URB1: variants seen among roughly 807,000 people sequenced by gnomAD.
The protein encoded by URB1 is URB1 ribosome biogenesis factor, also known as nucleolar pre-ribosomal-associated protein 1.
URB1 carries 197 observed loss-of-function variants against 242.3 expected under a neutral mutation model. The ratio of observed to expected loss-of-function variants is 0.81; its 90% confidence interval spans 0.72 to 0.91. URB1 has a LOEUF of 0.91. Among genes scored for constraint, URB1 ranks in the 40% least tolerant of loss-of-function variants. The pLI is 0.00. For missense variants in URB1, 2,721 were observed against 2,860.5 expected, an observed-to-expected ratio of 0.95 and a Z score of 1.11; for synonymous variants, 1,153 against 1,201.8, an observed-to-expected ratio of 0.96 and a Z score of 0.84.
At chr21:32,378,969 G>C (rs1037279234) in intron 4 of URB1, among the ~76,000 whole-genome samples, 7 of 152,342 alleles carry the variant, frequency 4.6e-5, no homozygotes, top group Admixed American at 3.3e-4. Context: ...GGCTGGTACT[G>C]CTTTTGGTGA....
intron 4 of URB1, among the ~76,000 whole-genome samples, chr21:32,382,332 A>T (rs1482106552): frequency 6.6e-6 from 1 of 152,208 alleles, no homozygotes; most frequent in African/African-American, 2.4e-5. Context: ...GCCATTACTC[A>T]TTGAATGGAA....
chr21:32,354,913 T>C lies in URB1; in HGVS notation c.2191A>G (p.Thr731Ala), dbSNP rs2033201859. Residue 731 changes from threonine to alanine, a missense_variant, in exon 17 of 39, where the codon ACT becomes GCT. Coordinates refer to ENST00000382751, the MANE Select transcript of URB1 (RefSeq NM_014825.3). ...TCATCGGCTTCTTGCTTCGTCATAG[T>C]GGCCTGCAGCATGCTTGCTTCTTGG... Reference protein sequence around the residue: ...FVQEASMLQATMTKQEADDMS... With the variant: ...FVQEASMLQAAMTKQEADDMS... 6.4e-7 allele frequency: 1 copy of C among 1,552,440 alleles called. No homozygotes were observed. Among genetic ancestry groups the C allele is most frequent in the African/African-American group, 1.4e-5 (1 of 73,196 alleles).
chr21:32,369,752 T>C (rs1210026599), intron 8 of URB1, among the ~76,000 whole-genome samples: 1 of 152,188 alleles, frequency 6.6e-6, no homozygotes, highest in Non-Finnish European at 1.5e-5. Flanking sequence ...CCTTCCCTGT[T>C]TCTAGCTTAT....
At position 32,368,526 on chromosome 21, in the gene URB1, G is replaced by T; in HGVS notation, c.1074C>A (p.Asp358Glu). The change falls in exon 9 of 39, where the codon GAC becomes GAA. Residue 358 changes from aspartate to glutamate, a missense_variant. Physicochemically the swap from Asp to Glu is conservative, Grantham distance 45. Transcript: ENST00000382751. Reference protein sequence around the residue: ...KTAADDDLVADLVVNILKVCP... With the variant: ...KTAADDDLVAELVVNILKVCP... ...ACACTTTGAGGATGTTTACCACAAG[G>T]TCAGCCACCAGATCATCATCAGCTG... 1 of 1,551,726 alleles carries T rather than the reference G, an allele frequency of 6.4e-7. No homozygotes were observed. Among genetic ancestry groups the T allele is most frequent in the Non-Finnish European group, 8.7e-7 (1 of 1,147,006 alleles).
At chr21:32,362,068 G>C (rs765139939) in intron 11 of URB1, 47 bp from the exon 12 acceptor site, 2 of 1,544,610 alleles carry the variant, frequency 1.3e-6, no homozygotes, top group South Asian at 2.4e-5. Flanking sequence ...CAACCACAAA[G>C]GGAGACAAAT....
In URB1 at chr21:32,324,634, G is replaced by C. The variant is rs1267530962; in HGVS notation, c.5122-32C>G. 2.0e-6 allele frequency: 3 copies of C among 1,491,400 alleles called. No homozygotes were observed. The African/African-American group carries it at 4.2e-5, about 21-fold the overall frequency. 92.4% of individuals were successfully genotyped at this position (1,491,400 alleles called of 1,614,324 possible). A position where few individuals can be genotyped will look rare whatever the true frequency, so the allele number is the denominator to read the frequency against. ...AACAGAACAGAAAAGGAAAATGTAA[G>C]ATGAGCGTGTTCAGAGCTATGGTCA... On this transcript the variant is annotated intron_variant, in intron 31 of 38. Transcript: ENST00000382751.
Position 32,334,182 on chromosome 21 carries a change from C to T in URB1, c.4838G>A (p.Arg1613Gln), listed in dbSNP as rs533653182. 95 of 1,547,686 alleles carry T rather than the reference C, an allele frequency of 6.1e-5. No individual in the cohort carries two copies. The highest frequency in any genetic ancestry group is 7.5e-5 in the Non-Finnish European group (86 of 1,144,050). Residue 1613 changes from arginine to glutamine, a missense_variant, in exon 29 of 39, where the codon CGG (arginine) becomes CAG (glutamine). Arg to Gln is a conservative substitution (Grantham distance 43). Transcript: ENST00000382751. ...CCCAACCTCGGGGGGCAGCAGCCTC[C>T]GGTTCTGGGGGAAGTGCAGGATGGT... ...MQTILHFPQN[R>Q]RLLPPEDTQE...
rs1308406616 is a variant in URB1, at chr21:32,338,819, G to A, written c.4398C>T (p.Arg1466=). Residue 1466 remains arginine (R), a synonymous_variant, in exon 26 of 39, where the codon CGC becomes CGT. Coordinates refer to ENST00000382751, the MANE Select transcript of URB1 (RefSeq NM_014825.3). The part of the protein sequence containing the change: ...QLLYSPESSV[R]TKLIQLPVVY... The stretch of plus-strand genomic sequence containing the variant: ...CCACCGGGAGCTGGATGAGCTTCGT[G>A]CGCACGGAGCTTTCTGGGCTGTACA... The A allele has an allele frequency of 6.4e-7, 1 of 1,551,776 alleles. No individual in the cohort carries two copies. The highest frequency in any genetic ancestry group is 8.7e-7 in the Non-Finnish European group (1 of 1,147,022).
At position 32,347,033 on chromosome 21, in the gene URB1, T is replaced by G. The variant is rs1321986059; in HGVS notation, c.3791A>C (p.Asp1264Ala). The change falls in exon 22 of 39, where the codon GAC (aspartate) becomes GCC (alanine). Residue 1264 changes from aspartate to alanine, a missense_variant. Transcript: ENST00000382751. Reference sequence around the variant, plus strand: ...GATGAGGGGAAGGAAGTCGTCCAGGTCCCCCTGGAGGCCGAGCCCTGGGCC... The same window carrying G: ...GATGAGGGGAAGGAAGTCGTCCAGGGCCCCCTGGAGGCCGAGCCCTGGGCC... ...QAGPGLGLQG[D>A]LDDFLPLIHV... 6.5e-7 allele frequency: 1 copy of G among 1,549,098 alleles called. No individual in the cohort carries two copies. Among genetic ancestry groups the G allele is most frequent in the Admixed American group, 2.0e-5 (1 of 50,926 alleles).
chr21:32,373,903 T>G, intron 6 of URB1, 131 bp from the exon 7 acceptor site: 1 of 1,014,638 alleles, frequency 9.9e-7, no homozygotes, highest in Non-Finnish European at 1.4e-6. Flanking sequence ...GCAGAAAATT[T>G]GGTTTAAAAA....
At chr21:32,378,131 T>C (rs1270991281) in intron 5 of URB1, among the ~76,000 whole-genome samples, 2 of 152,126 alleles carry the variant, frequency 1.3e-5, no homozygotes, top group African/African-American at 4.8e-5. Context: ...TCTGAGTAGG[T>C]TCCATAGCCA....
chr21:32,336,960 C>T (rs2032966260), intron 28 of URB1, 134 bp downstream of exon 28: 2 of 870,922 alleles, frequency 2.3e-6, no homozygotes, highest in Non-Finnish European at 3.7e-6. Context: ...CAGTGTGAGT[C>T]AGGGGAGTGC....
intron 30 of URB1, among the ~76,000 whole-genome samples, chr21:32,332,090 G>C (rs1265998776): frequency 2.0e-5 from 3 of 152,222 alleles, no homozygotes; most frequent in African/African-American, 7.2e-5. Context: ...TCAACACACA[G>C]AGGCTGTAAC....
At chr21:32,353,038 C>G (rs2033176431) in intron 18 of URB1, 132 bp from the exon 19 acceptor site, 7 of 923,258 alleles carry the variant, frequency 7.6e-6, no homozygotes, top group Non-Finnish European at 1.1e-5. Flanking sequence ...GGACACATAA[C>G]CACAGGGAAG....
intron 5 of URB1, 58 bp downstream of exon 5, chr21:32,378,387 T>A: frequency 6.9e-7 from 1 of 1,455,892 alleles, no homozygotes; most frequent in Non-Finnish European, 9.4e-7. Context: ...AAGAAACGGT[T>A]TGCAGTAGGT....
At chr21:32,349,118 A>G (rs2015981) in intron 21 of URB1, among the ~76,000 whole-genome samples, 186 bp downstream of exon 21, 152,393 of 152,410 alleles carry the variant, frequency 1, 76,188 homozygotes, top group Middle Eastern at 1. Context: ...GAAAAGCAAC[A>G]GGAAAGAGAA....
At position 32,319,239 on chromosome 21, in the gene URB1, T is replaced by C. The variant is rs1363263282; in HGVS notation, c.5770A>G (p.Ile1924Val). ...CACCTCAGGTGCTTCATGAGCACGA[T>C]GAGAACATAAAGGAACTCATTGACC... ...HLVNEFLYVL[I>V]VLMKHLRPTL... Residue 1924 changes from isoleucine (I) to valine (V), a missense_variant, in exon 36 of 39, where the codon ATC becomes GTC. Ile to Val is a conservative substitution (Grantham distance 29). Transcript: ENST00000382751. The C allele has an allele frequency of 1.9e-6, 3 of 1,550,400 alleles. No homozygotes were observed. Among genetic ancestry groups the C allele is most frequent in the African/African-American group, 2.7e-5 (2 of 73,004 alleles).
At chr21:32,344,045 T>C (rs2033058499) in intron 24 of URB1, among the ~76,000 whole-genome samples, 2 of 152,326 alleles carry the variant, frequency 1.3e-5, no homozygotes, top group Admixed American at 6.5e-5. Context: ...CATAGAATTT[T>C]ATACCCAGTG....
intron 1 of URB1, among the ~76,000 whole-genome samples, chr21:32,388,243 T>C (rs1247028121): frequency 1.3e-5 from 2 of 152,152 alleles, no homozygotes; most frequent in African/African-American, 2.4e-5. Flanking sequence ...ACCTCACCTG[T>C]ATAACGGAAC....
Sources: allele counts gnomAD v4.1 joint callset (sites outside exome capture counted in the v4.1 genomes callset), GRCh38; gene constraint gnomAD v4.1.1; transcripts MANE v1.5; gene names NCBI Gene and HGNC (gene_info 2026-07-23, HGNC 2026-07-21).